Variants in PHKB observed in about 807,000 individuals in gnomAD.
The protein encoded by PHKB is phosphorylase kinase regulatory subunit beta, also known as phosphorylase b kinase regulatory subunit beta.
A neutral mutation model predicts 152.1 loss-of-function variants in PHKB; 122 were observed. That is an observed-to-expected ratio of 0.80 (90% CI 0.69 to 0.93). PHKB has a LOEUF of 0.93. PHKB is among the 40% of genes least tolerant of loss of function. The probability of loss-of-function intolerance (pLI) is 0.00; values close to 1 mark genes in which losing one functional copy is unlikely to be tolerated. For missense variants in PHKB, 1,304 were observed against 1,328.4 expected (o/e 0.98, Z 0.29); for synonymous variants, 436 against 464.9 (o/e 0.94, Z 0.80).
rs1973003435 is a variant in PHKB at position 47,640,733 on chromosome 16, G to A, written c.1459-302G>A. On this transcript the variant is annotated intron_variant, in intron 14 of 30. Coordinates refer to ENST00000323584, the MANE Select transcript of PHKB (RefSeq NM_000293.3). Reference sequence around the variant, plus strand: ...CCTTTAGAGTTAAATGATGGAAAATGACTCTCGGTCCCCAAACTGCTCTTA... The same window carrying A: ...CCTTTAGAGTTAAATGATGGAAAATAACTCTCGGTCCCCAAACTGCTCTTA... 1.3e-5 allele frequency among the ~76,000 whole-genome samples: 2 copies of A among 152,034 alleles called. 1 individual carries two copies. Among genetic ancestry groups the A allele is most frequent in the South Asian group, 4.2e-4 (2 of 4,818 alleles).
intron 7 of PHKB, among the ~76,000 whole-genome samples, chr16:47,572,380 G>A (rs1473153988): frequency 3.3e-5 from 5 of 152,134 alleles, no homozygotes; most frequent in African/African-American, 9.7e-5. Flanking sequence ...TGAATTCTCC[G>A]ATGGACTCCA....
chr16:47,645,038 A>C (rs2151728252), intron 16 of PHKB, among the ~76,000 whole-genome samples: 1 of 152,382 alleles, frequency 6.6e-6, no homozygotes, highest in Non-Finnish European at 1.5e-5. Context: ...CTTGAAATAA[A>C]AAAGAATGCC....
intron 7 of PHKB, among the ~76,000 whole-genome samples, chr16:47,578,611 G>C (rs780621384): frequency 5.9e-5 from 9 of 152,060 alleles, no homozygotes; most frequent in Non-Finnish European, 1.2e-4. Flanking sequence ...CTTCATTACT[G>C]GTTCTCATTT....
chr16:47,567,794 A>C (rs1971594967), intron 7 of PHKB, among the ~76,000 whole-genome samples: 1 of 152,200 alleles, frequency 6.6e-6, no homozygotes, highest in Admixed American at 6.5e-5. Context: ...CTTTTAAAAT[A>C]ATCGTATGGT....
intron 10 of PHKB, 74 bp downstream of exon 10, chr16:47,589,176 G>C (rs970022170): frequency 1.3e-5 from 15 of 1,123,236 alleles, no homozygotes; most frequent in South Asian, 5.6e-5. Flanking sequence ...TGACCATTGG[G>C]TTTGAATTCT....
intron 1 of PHKB, chr16:47,464,208 G>A: frequency 1.8e-6 from 1 of 565,352 alleles, no homozygotes; most frequent in East Asian, 3.0e-5. Context: ...ACAGAGAGTG[G>A]AGTGCCTGCC....
chr16:47,587,679 G>A lies in PHKB; in HGVS notation c.786G>A (p.Trp262Ter), dbSNP rs758454890. Residue 262 changes from tryptophan to a stop codon, truncating the protein, a stop_gained, in exon 9 of 31, where the codon TGG (tryptophan) becomes TGA (stop). Coordinates refer to ENST00000323584, the MANE Select transcript of PHKB (RefSeq NM_000293.3). LOFTEE classifies it high-confidence loss of function. ...TTTTCTCTGTCCAGGGCTGTTCGTG[G>A]TCAGTTATATTTGTGGATCTCGATG... Reference protein sequence around the residue: ...FNLFGNQGCSWSVIFVDLDAH... With the variant: ...FNLFGNQGCS The A allele has an allele frequency of 2.5e-6, 4 of 1,612,656 alleles. No individual in the cohort carries two copies. The highest frequency in any genetic ancestry group is 1.1e-5 in the South Asian group (1 of 91,048).
At chr16:47,532,297 T>C (rs1970874555) in intron 6 of PHKB, among the ~76,000 whole-genome samples, 1 of 152,228 alleles carries the variant, frequency 6.6e-6, no homozygotes, top group African/African-American at 2.4e-5. Flanking sequence ...AAATTGAAGG[T>C]GCACTTGGTG....
At chr16:47,686,871 T>A (rs1323146374) in intron 26 of PHKB, among the ~76,000 whole-genome samples, 1 of 152,222 alleles carries the variant, frequency 6.6e-6, no homozygotes, top group African/African-American at 2.4e-5. Flanking sequence ...ACCATTATCA[T>A]ACCCACCAAA....
intron 14 of PHKB, among the ~76,000 whole-genome samples, chr16:47,634,043 G>A (rs1972873361): frequency 6.6e-6 from 1 of 152,184 alleles, no homozygotes. Context: ...TGGTTGTGTT[G>A]CTGGCATTGA....
intron 28 of PHKB, among the ~76,000 whole-genome samples, chr16:47,695,693 C>T (rs576877527): frequency 8.5e-5 from 13 of 152,322 alleles, no homozygotes; most frequent in Admixed American, 7.8e-4. Context: ...ATCTGCCTTC[C>T]ACCATACAAG....
At chr16:47,516,169 G>A (rs768243690) in intron 6 of PHKB, among the ~76,000 whole-genome samples, 2 of 151,976 alleles carry the variant, frequency 1.3e-5, no homozygotes, top group Non-Finnish European at 2.9e-5. Flanking sequence ...CTTGTGATCC[G>A]CCCACCTCGG....
chr16:47,537,363 G>A (rs1970969930), intron 6 of PHKB, among the ~76,000 whole-genome samples: 1 of 152,238 alleles, frequency 6.6e-6, no homozygotes, highest in Admixed American at 6.5e-5. Flanking sequence ...GGAACAAAAA[G>A]CTGATTGGTT....
intron 7 of PHKB, among the ~76,000 whole-genome samples, chr16:47,551,437 G>T (rs1971268992): frequency 6.6e-6 from 1 of 152,168 alleles, no homozygotes; most frequent in Non-Finnish European, 1.5e-5. Context: ...TGGTTTCAAA[G>T]AACTTATTTA....
intron 10 of PHKB, among the ~76,000 whole-genome samples, chr16:47,592,210 T>C (rs1328746615): frequency 6.6e-6 from 1 of 152,228 alleles, no homozygotes; most frequent in Non-Finnish European, 1.5e-5. Context: ...TTTTTTGCCC[T>C]ACAACTCTCT....
chr16:47,522,142 G>T (rs1350587208), intron 6 of PHKB, among the ~76,000 whole-genome samples: 1 of 152,080 alleles, frequency 6.6e-6, no homozygotes, highest in East Asian at 1.9e-4. Flanking sequence ...TGAAGGATTG[G>T]TATTAATTCT....
chr16:47,508,491 T>C (rs556297707), intron 4 of PHKB, among the ~76,000 whole-genome samples: 1 of 152,286 alleles, frequency 6.6e-6, no homozygotes, highest in South Asian at 2.1e-4. Context: ...TCATTAACTT[T>C]TATAAAATTT....
chr16:47,476,789 C>T (rs1487273544), intron 1 of PHKB, among the ~76,000 whole-genome samples: 1 of 152,200 alleles, frequency 6.6e-6, no homozygotes, highest in East Asian at 1.9e-4. Context: ...GGCTTACTCC[C>T]TGTCTAGCAG....
chr16:47,616,118 A>G (rs1249982243), intron 14 of PHKB, among the ~76,000 whole-genome samples: 2 of 152,038 alleles, frequency 1.3e-5, no homozygotes, highest in East Asian at 1.9e-4. Context: ...CATTCTGTGG[A>G]TTATCATTCC....
Sources: allele counts gnomAD v4.1 joint callset (sites outside exome capture counted in the v4.1 genomes callset), GRCh38; gene constraint gnomAD v4.1.1; transcripts MANE v1.5; gene names NCBI Gene and HGNC (gene_info 2026-07-23, HGNC 2026-07-21).